Variants in PELI2 observed in about 807,000 individuals in gnomAD.
The protein encoded by PELI2 is pellino E3 ubiquitin protein ligase family member 2, also known as E3 ubiquitin-protein ligase pellino homolog 2.
PELI2 carries 23 observed loss-of-function variants against 42.3 expected under a neutral mutation model. That is an observed-to-expected ratio of 0.54 (90% CI 0.39 to 0.77). The LOEUF (loss-of-function observed/expected upper bound fraction) is 0.77. Ranked by LOEUF, PELI2 falls within the 30% of genes least tolerant of loss-of-function variation. PELI2 has a pLI of 0.00. For missense variants in PELI2, 463 were observed against 553.2 expected (o/e 0.84, Z 1.64); for synonymous variants, 245 against 212.2 (o/e 1.15, Z -1.34).
intron 2 of PELI2, among the ~76,000 whole-genome samples, chr14:56,199,168 A>G (rs1886243114): frequency 1.3e-5 from 2 of 152,200 alleles, no homozygotes; most frequent in South Asian, 2.1e-4. Context: ...GTGTGAGCCA[A>G]AAGTTTCTCT....
chr14:56,235,752 A>G (rs1391363762), intron 2 of PELI2, among the ~76,000 whole-genome samples: 1 of 152,204 alleles, frequency 6.6e-6, no homozygotes, highest in African/African-American at 2.4e-5. Context: ...ATTATTTCCA[A>G]TACATAAGCA....
chr14:56,270,007 C>T (rs1889041213), intron 2 of PELI2, among the ~76,000 whole-genome samples: 1 of 152,164 alleles, frequency 6.6e-6, no homozygotes, highest in South Asian at 2.1e-4. Context: ...AACAGACTCT[C>T]CTCACATATT....
At chr14:56,218,700 T>C (rs910082684) in intron 2 of PELI2, among the ~76,000 whole-genome samples, 6 of 151,630 alleles carry the variant, frequency 4.0e-5, no homozygotes, top group African/African-American at 1.2e-4. Flanking sequence ...CGCACATGTG[T>C]GCGTGTGTGT....
chr14:56,137,601 T>C (rs1307629907), intron 1 of PELI2, among the ~76,000 whole-genome samples: 3 of 152,136 alleles, frequency 2.0e-5, no homozygotes, highest in Admixed American at 2.0e-4. Flanking sequence ...TTTCCCCTTC[T>C]AGGGGAAATT....
At chr14:56,258,115 G>T (rs1371917395) in intron 2 of PELI2, among the ~76,000 whole-genome samples, 1 of 152,126 alleles carries the variant, frequency 6.6e-6, no homozygotes, top group African/African-American at 2.4e-5. Context: ...CAGGGAAATC[G>T]GATAGAGTCT....
At chr14:56,201,575 AT>A (rs1428573087) in intron 2 of PELI2, among the ~76,000 whole-genome samples, 3 of 152,196 alleles carry the variant, frequency 2.0e-5, no homozygotes, top group Non-Finnish European at 4.4e-5. Context: ...ATTTTTCCCT[AT>A]ATATTATGGA....
chr14:56,210,098 G>A (rs896380093), intron 2 of PELI2, among the ~76,000 whole-genome samples: 1 of 152,098 alleles, frequency 6.6e-6, no homozygotes, highest in African/African-American at 2.4e-5. Context: ...TAATGGTACT[G>A]TGGTTATGTA....
chr14:56,157,891 TC>T (rs759310795), intron 1 of PELI2, among the ~76,000 whole-genome samples: 5 of 152,226 alleles, frequency 3.3e-5, no homozygotes, highest in Non-Finnish European at 4.4e-5. Context: ...AGTTTCAATT[TC>T]CGGCTTTAAT....
intron 1 of PELI2, among the ~76,000 whole-genome samples, chr14:56,168,559 C>T (rs999297707): frequency 1.3e-5 from 2 of 152,032 alleles, no homozygotes; most frequent in African/African-American, 4.8e-5. Context: ...TGGGACTCAC[C>T]CTCAGGGCAG....
chr14:56,222,686 A>G (rs1887187015), intron 2 of PELI2, among the ~76,000 whole-genome samples: 1 of 152,350 alleles, frequency 6.6e-6, no homozygotes, highest in East Asian at 1.9e-4. Context: ...TACATATTAG[A>G]AAAGGATGCC....
At chr14:56,292,767 A>G in intron 5 of PELI2, 1 of 978,978 alleles carries the variant, frequency 1.0e-6, no homozygotes, top group Non-Finnish European at 1.2e-6. Flanking sequence ...AATTAATTAA[A>G]TATGGGGGAA....
intron 2 of PELI2, among the ~76,000 whole-genome samples, chr14:56,266,916 A>T (rs1316404683): frequency 2.0e-5 from 3 of 152,132 alleles, no homozygotes; most frequent in Admixed American, 1.3e-4. Flanking sequence ...TAACTACATT[A>T]TATAGACAAT....
In PELI2 at chr14:56,207,152, T is replaced by A. The variant is rs1422115834; in HGVS notation, c.207+28688T>A. ...CCTCACCCTTAGACACATGCTAAGA[T>A]TACTAGATTACTAGTATTAATAAAT... On this transcript the variant is annotated intron_variant, in intron 2 of 5. Transcript: ENST00000267460. Among the ~76,000 whole-genome samples, 5 of 152,142 alleles carry A rather than the reference T, an allele frequency of 3.3e-5. No individual in the cohort carries two copies. In the South Asian group the frequency reaches 1.0e-3, roughly 31 times the overall value.
chr14:56,134,832 C>CT (rs1471509668), intron 1 of PELI2, among the ~76,000 whole-genome samples: 2 of 147,538 alleles, frequency 1.4e-5, no homozygotes, highest in Non-Finnish European at 3.0e-5. Context: ...TATAAACCAT[C>CT]TTTTTTGTGT....
rs768860705 is a variant in PELI2 at position 56,118,628 on chromosome 14, T to TCGGCGG, written c.-27_-22dup. The TCGGCGG allele has an allele frequency of 7.7e-7, 1 of 1,297,688 alleles. No homozygotes were observed. The highest frequency in any genetic ancestry group is 1.0e-6 in the Non-Finnish European group (1 of 1,001,302). 80.4% of individuals were successfully genotyped at this position (1,297,688 alleles called of 1,614,324 possible). On this transcript the variant is annotated 5_prime_UTR_variant, in exon 1 of 6. Transcript: ENST00000267460. ...GGGGATCGCGGCGGAGGCGGCGGCG[T>TCGGCGG]CGGCGGCGGCGTCGGCGGCCGAGCG...
At chr14:56,203,486 A>G (rs978933978) in intron 2 of PELI2, among the ~76,000 whole-genome samples, 22 of 152,168 alleles carry the variant, frequency 1.4e-4, no homozygotes, top group Admixed American at 1.4e-3. Flanking sequence ...GTATGTATAT[A>G]GATGTCTTCT....
intron 1 of PELI2, among the ~76,000 whole-genome samples, chr14:56,170,075 T>C (rs1258509726): frequency 3.3e-5 from 5 of 152,228 alleles, no homozygotes; most frequent in Admixed American, 3.3e-4. Flanking sequence ...TGTCTGTCTC[T>C]AGTGTCACGT....
intron 5 of PELI2, among the ~76,000 whole-genome samples, chr14:56,291,494 A>C (rs1426913607): frequency 6.6e-6 from 1 of 152,230 alleles, no homozygotes; most frequent in African/African-American, 2.4e-5. Flanking sequence ...ACCATGGCTG[A>C]ATAAATATGA....
intron 4 of PELI2, among the ~76,000 whole-genome samples, chr14:56,289,573 G>A (rs557364607): frequency 6.6e-6 from 1 of 152,242 alleles, no homozygotes; most frequent in Non-Finnish European, 1.5e-5. Flanking sequence ...GAAGAGGGCT[G>A]GGAGTGTCAT....
Sources: gnomAD v4.1 joint callset for allele counts (sites outside exome capture counted in the v4.1 genomes callset) on GRCh38, gnomAD v4.1.1 for gene constraint, MANE v1.5 for transcripts, NCBI Gene and HGNC (gene_info 2026-07-23, HGNC 2026-07-21) for gene names.